Variants in RIC1 observed in about 807,000 individuals in gnomAD.
The protein encoded by RIC1 is RIC1 partner of RAB6A GEF complex.
A neutral mutation model predicts 169.0 loss-of-function variants in RIC1; 88 were observed. The ratio of observed to expected loss-of-function variants is 0.52; its 90% CI spans 0.44 to 0.62. The LOEUF is 0.62. Ranked by LOEUF, RIC1 falls within the 20% of genes least tolerant of loss-of-function variation. RIC1 has a pLI of 0.00. For missense variants in RIC1, 1,877 were observed against 1,725.5 expected (o/e 1.09, Z -1.56); for synonymous variants, 790 against 601.5 (o/e 1.31, Z -4.59).
rs932786097 is a variant in RIC1, at chr9:5,747,235, G to C, written c.1249-67G>C. Reference sequence around the variant, plus strand: ...CTAAATCGATGTGTTATTTTTGCCTGCGTAATATTGAGTTGTTTTTATTTG... The same window carrying C: ...CTAAATCGATGTGTTATTTTTGCCTCCGTAATATTGAGTTGTTTTTATTTG... On this transcript the variant is annotated intron_variant, in intron 11 of 25. Transcript: ENST00000414202. 4.3e-5 allele frequency: 52 copies of C among 1,211,266 alleles called. 1 individual carries two copies. The South Asian group carries it at 4.4e-4, about 10-fold the overall frequency. 75.0% of individuals were successfully genotyped at this position (1,211,266 alleles called of 1,614,324 possible).
At chr9:5,723,185 T>C (rs1823719928) in intron 6 of RIC1, among the ~76,000 whole-genome samples, 1 of 152,214 alleles carries the variant, frequency 6.6e-6, no homozygotes, top group African/African-American at 2.4e-5. Flanking sequence ...AGTGTAAAAG[T>C]ATTCCTATTT....
At chr9:5,670,155 C>A (rs1820006588) in intron 2 of RIC1, among the ~76,000 whole-genome samples, 1 of 152,120 alleles carries the variant, frequency 6.6e-6, no homozygotes, top group African/African-American at 2.4e-5. Context: ...CCCTTGAGCC[C>A]CTTCTGCAGC....
chr9:5,633,070 A>G (rs1817796239), intron 1 of RIC1, among the ~76,000 whole-genome samples: 1 of 152,226 alleles, frequency 6.6e-6, no homozygotes, highest in Non-Finnish European at 1.5e-5. Flanking sequence ...TCACTGTTGT[A>G]GGTAGCTAAT....
In RIC1 at chr9:5,754,824, A is replaced by G; in HGVS notation, c.1603-17A>G. 6.6e-7 allele frequency: 1 copy of G among 1,508,816 alleles called. No homozygotes were observed. The highest frequency in any genetic ancestry group is 1.4e-5 in the African/African-American group (1 of 72,442). 93.5% of individuals were successfully genotyped at this position (1,508,816 alleles called of 1,614,324 possible). A position where few individuals can be genotyped will look rare whatever the true frequency, so the allele number is the denominator to read the frequency against. ...TGGTAGCATAAGGTAAATTTTTTAA[A>G]AAATTTTTATTTTAAGGAGCAAAAT... On this transcript the variant is annotated splice_polypyrimidine_tract_variant and intron_variant, in intron 14 of 25. Coordinates refer to ENST00000414202, the MANE Select transcript of RIC1 (RefSeq NM_020829.4).
At position 5,684,274 on chromosome 9, in the gene RIC1, ACCCCCCCCCCCCCCCC is replaced by A. The variant is rs71326181; in HGVS notation, c.253-5673_253-5658del. Among the ~76,000 whole-genome samples the A allele has an allele frequency of 3.0e-3, 23 of 7,668 alleles. 1 individual carries two copies. The highest frequency in any genetic ancestry group is 0.011 in the East Asian group (1 of 92). 5.0% of individuals were successfully genotyped at this position (7,668 alleles called of 152,430 possible). ...GTTCCTATTTGGCCATCTTGGCTCC[ACCCCCCCCCCCCCCCC>A]CCCCCCCCCCCGCCATCTCATCAAT... On this transcript the variant is annotated intron_variant, in intron 2 of 25. Transcript: ENST00000414202.
chr9:5,688,964 T>G (rs907621697), intron 2 of RIC1, among the ~76,000 whole-genome samples: 9 of 152,170 alleles, frequency 5.9e-5, no homozygotes, highest in Admixed American at 6.5e-5. Context: ...AAAATGGTTG[T>G]TTGAACTTCA....
At chr9:5,734,763 C>T (rs1824596272) in intron 7 of RIC1, among the ~76,000 whole-genome samples, 1 of 152,128 alleles carries the variant, frequency 6.6e-6, no homozygotes, top group Non-Finnish European at 1.5e-5. Flanking sequence ...GAGATTCATC[C>T]ATGTCATTTA....
At chr9:5,696,865 C>T (rs571282287) in intron 3 of RIC1, among the ~76,000 whole-genome samples, 54 of 152,274 alleles carry the variant, frequency 3.5e-4, no homozygotes, top group African/African-American at 1.3e-3. Context: ...GGCAGGTAAG[C>T]TGCTTGGAGA....
At chr9:5,743,141 C>A in intron 9 of RIC1, 128 bp downstream of exon 9, 1 of 779,394 alleles carries the variant, frequency 1.3e-6, no homozygotes, top group Non-Finnish European at 2.0e-6. Flanking sequence ...TTGCAAAGTT[C>A]ATAATCTGTT....
intron 2 of RIC1, among the ~76,000 whole-genome samples, chr9:5,673,543 T>TAA (rs986679211): frequency 3.5e-5 from 5 of 143,570 alleles, no homozygotes; most frequent in Admixed American, 2.1e-4. Context: ...GAGATATATA[T>TAA]ATATATATAT....
chr9:5,633,504 TTA>T (rs1393377132), intron 1 of RIC1, among the ~76,000 whole-genome samples: 2 of 152,190 alleles, frequency 1.3e-5, no homozygotes. Context: ...AATCCTTTCT[TTA>T]TGAGTCATTC....
intron 3 of RIC1, among the ~76,000 whole-genome samples, chr9:5,698,582 G>C (rs902296337): frequency 6.6e-6 from 1 of 152,056 alleles, no homozygotes; most frequent in Non-Finnish European, 1.5e-5. Context: ...TCTTAGACTT[G>C]CTATTGATAC....
At chr9:5,728,175 G>A (rs888966652) in intron 6 of RIC1, among the ~76,000 whole-genome samples, 4 of 152,244 alleles carry the variant, frequency 2.6e-5, no homozygotes, top group Admixed American at 1.3e-4. Context: ...GCCTCCTTGA[G>A]CTGCGGTGGG....
At position 5,732,382 on chromosome 9, in the gene RIC1, T is replaced by C; in HGVS notation, c.721-6T>C. On this transcript the variant is annotated splice_polypyrimidine_tract_variant and splice_region_variant and intron_variant, in intron 6 of 25. Transcript: ENST00000414202. ...TTTAAGCCTTAACTATTTTTCTTTA[T>C]TATAGCAGCTTCATGGAGTTTGGCC... The C allele has an allele frequency of 6.2e-7, 1 of 1,604,256 alleles. No individual in the cohort carries two copies. Among genetic ancestry groups the C allele is most frequent in the Non-Finnish European group, 8.5e-7 (1 of 1,175,508 alleles).
Position 5,765,394 on chromosome 9 carries a change from G to C in RIC1, c.2842-20G>C. ...AATTGTGTAGTATAAAAAGAATGCT[G>C]TCCTGGTTGTTTTTTGTAGAATATG... On this transcript the variant is annotated intron_variant, in intron 19 of 25. Coordinates refer to ENST00000414202, the MANE Select transcript of RIC1 (RefSeq NM_020829.4). 1 of 1,605,692 alleles carries C rather than the reference G, an allele frequency of 6.2e-7. No homozygotes were observed. The highest frequency in any genetic ancestry group is 1.1e-5 in the South Asian group (1 of 89,492).
intron 3 of RIC1, among the ~76,000 whole-genome samples, chr9:5,710,955 G>C (rs927390999): frequency 6.6e-6 from 1 of 152,150 alleles, no homozygotes; most frequent in East Asian, 1.9e-4. Context: ...ACTAGGAGTT[G>C]TAGAAAGAGA....
At chr9:5,701,899 A>G (rs904652381) in intron 3 of RIC1, among the ~76,000 whole-genome samples, 1 of 152,232 alleles carries the variant, frequency 6.6e-6, no homozygotes, top group African/African-American at 2.4e-5. Context: ...AAAATGTCAA[A>G]AAACATACGT....
intron 4 of RIC1, among the ~76,000 whole-genome samples, chr9:5,717,848 A>T (rs1359854205): frequency 6.6e-6 from 1 of 151,594 alleles, no homozygotes; most frequent in African/African-American, 2.4e-5. Flanking sequence ...AAATAAAAAA[A>T]AAAAAAGTTC....
intron 21 of RIC1, among the ~76,000 whole-genome samples, chr9:5,768,662 A>G (rs974878627): frequency 3.3e-5 from 5 of 152,156 alleles, no homozygotes; most frequent in Non-Finnish European, 5.9e-5. Flanking sequence ...CTTTTCAAAT[A>G]TAGCATAGAG....
Sources: allele counts gnomAD v4.1 joint callset (sites outside exome capture counted in the v4.1 genomes callset), GRCh38; gene constraint gnomAD v4.1.1; transcripts MANE v1.5; gene names NCBI Gene and HGNC (gene_info 2026-07-23, HGNC 2026-07-21).